Variants in ANXA8 observed in about 807,000 individuals in gnomAD.
The protein encoded by ANXA8 is VAC-beta.
Under a neutral mutation model 26.8 loss-of-function variants are expected in ANXA8, and 9 were observed. The ratio of observed to expected loss-of-function variants is 0.34; its 90% CI spans 0.20 to 0.59. The LOEUF (loss-of-function observed/expected upper bound fraction) is 0.59. Ranked by LOEUF, ANXA8 falls within the 20% of genes least tolerant of loss-of-function variation. The pLI is 0.84. For missense variants in ANXA8, 83 were observed against 238.5 expected (o/e 0.35, Z 4.29); for synonymous variants, 39 against 94.8 (o/e 0.41, Z 3.42).
the ANXA8 span, among the ~76,000 whole-genome samples, chr10:47,586,662 G>A: frequency 6.9e-6 from 1 of 145,958 alleles, no homozygotes; most frequent in Non-Finnish European, 1.5e-5. Flanking sequence ...TGCCACACAA[G>A]TGATGGAGGT....
the ANXA8 span, among the ~76,000 whole-genome samples, chr10:47,774,161 A>G: frequency 4.1e-5 from 6 of 147,240 alleles, no homozygotes; most frequent in South Asian, 1.4e-3. Context: ...ACAGTGCCCC[A>G]ATTTCTCCAA....
At chr10:47,672,822 G>A in the ANXA8 span, among the ~76,000 whole-genome samples, 1 of 151,802 alleles carries the variant, frequency 6.6e-6, no homozygotes, top group Non-Finnish European at 1.5e-5. Context: ...CTCTTCAGAT[G>A]TACAAAATTA....
At chr10:47,707,257 CAT>C in the ANXA8 span, among the ~76,000 whole-genome samples, 1 of 143,560 alleles carries the variant, frequency 7.0e-6, no homozygotes, top group African/African-American at 2.4e-5. Flanking sequence ...GGTTACAACT[CAT>C]GAGAGGATTC....
chr10:47,733,283 C>CTTTCTTTTT, the ANXA8 span, among the ~76,000 whole-genome samples: 3 of 80,524 alleles, frequency 3.7e-5, 1 homozygote, highest in African/African-American at 1.8e-4. Flanking sequence ...TTCTTTCTTT[C>CTTTCTTTTT]TTTCTTTCTT....
At chr10:47,493,486 C>T in the ANXA8 span, among the ~76,000 whole-genome samples, 18,595 of 133,324 alleles carry the variant, frequency 0.14, 1,489 homozygotes, top group East Asian at 0.39. Flanking sequence ...TCCCCCCACT[C>T]ACACAAGGGT....
the ANXA8 span, among the ~76,000 whole-genome samples, chr10:47,705,589 G>T: frequency 1.4e-5 from 2 of 144,564 alleles, no homozygotes; most frequent in Non-Finnish European, 3.0e-5. Context: ...ATCCCCTAGA[G>T]AGTTTCAGGT....
At position 47,468,638 on chromosome 10, in the gene ANXA8, G is replaced by A. The variant is rs1839184909; in HGVS notation, c.*209C>T. ...CTAAGGTTGGCATTGTGCTCACACT[G>A]GGAAATGACCTGGAGGAAGTTGGGA... On this transcript the variant is annotated 3_prime_UTR_variant, in exon 12 of 12. Coordinates refer to ENST00000585281, the MANE Select transcript of ANXA8 (RefSeq NM_001040084.3). 1 of 785,646 alleles carries A rather than the reference G, an allele frequency of 1.3e-6. No individual in the cohort carries two copies. The highest frequency in any genetic ancestry group is 2.0e-6 in the Non-Finnish European group (1 of 502,770). 48.7% of individuals were successfully genotyped at this position (785,646 alleles called of 1,614,324 possible). A position where few individuals can be genotyped will look rare whatever the true frequency, so the allele number is the denominator to read the frequency against.
At chr10:47,951,919 G>C in the ANXA8 span, among the ~76,000 whole-genome samples, 1 of 149,242 alleles carries the variant, frequency 6.7e-6, no homozygotes, top group South Asian at 2.1e-4. Context: ...CTATGACCAA[G>C]AGTGCTTATC....
the ANXA8 span, among the ~76,000 whole-genome samples, chr10:47,695,576 G>T: frequency 1.3e-5 from 2 of 151,596 alleles, no homozygotes; most frequent in East Asian, 1.9e-4. Context: ...GTAGATAAAA[G>T]GTTCAAAAGC....
chr10:47,680,653 T>C, the ANXA8 span, among the ~76,000 whole-genome samples: 2 of 151,884 alleles, frequency 1.3e-5, no homozygotes, highest in Non-Finnish European at 2.9e-5. Context: ...AAAAATCAAA[T>C]TGTACCCCAT....
chr10:47,572,742 A>G, the ANXA8 span, among the ~76,000 whole-genome samples: 2 of 143,928 alleles, frequency 1.4e-5, no homozygotes, highest in Non-Finnish European at 3.0e-5. Context: ...TAAAAAAAAA[A>G]GAAGAACGTA....
chr10:47,688,350 AG>A, the ANXA8 span, among the ~76,000 whole-genome samples: 3 of 149,186 alleles, frequency 2.0e-5, no homozygotes, highest in East Asian at 2.0e-4. Context: ...CCTGGTCTCA[AG>A]TGATCCTCCC....
At chr10:47,628,630 T>G in the ANXA8 span, among the ~76,000 whole-genome samples, 1 of 149,998 alleles carries the variant, frequency 6.7e-6, no homozygotes, top group Non-Finnish European at 1.5e-5. Context: ...CTCCCTTCTG[T>G]CAGTCTTTCC....
chr10:47,626,968 G>A, the ANXA8 span, among the ~76,000 whole-genome samples: 5 of 149,400 alleles, frequency 3.3e-5, no homozygotes, highest in South Asian at 2.1e-4. Context: ...CCATCTCCTC[G>A]TAGTGTACGT....
the ANXA8 span, among the ~76,000 whole-genome samples, chr10:47,957,882 C>A: frequency 6.7e-6 from 1 of 150,198 alleles, no homozygotes. Context: ...GTACTGGTAT[C>A]AAAAATGTAA....
upstream of ANXA8, among the ~76,000 whole-genome samples, chr10:47,487,944 C>A (rs1306911598): frequency 6.6e-6 from 1 of 150,948 alleles, no homozygotes; most frequent in African/African-American, 2.4e-5. Context: ...TGTCTTCCCC[C>A]TCAAAACTCA....
chr10:47,510,247 G>A, the ANXA8 span: 2 of 1,410,676 alleles, frequency 1.4e-6, no homozygotes, highest in South Asian at 1.2e-5. Flanking sequence ...GAGCTGTATT[G>A]TTGACTGAAA....
the ANXA8 span, among the ~76,000 whole-genome samples, chr10:47,694,779 G>T: frequency 6.6e-6 from 1 of 151,700 alleles, no homozygotes; most frequent in Non-Finnish European, 1.5e-5. Flanking sequence ...CAACACAGTA[G>T]ACAGTTTGCT....
chr10:47,733,175 TTCTTTCTTTCTTTCTTTC>T, the ANXA8 span, among the ~76,000 whole-genome samples: 2 of 93,270 alleles, frequency 2.1e-5, no homozygotes, highest in African/African-American at 6.3e-5. Flanking sequence ...CTTTCTTTCT[TTCTTTCTTTCTTTCTTTC>T]TTTCTTTCTT....
Sources: allele counts gnomAD v4.1 joint callset (sites outside exome capture counted in the v4.1 genomes callset), GRCh38; gene constraint gnomAD v4.1.1; transcripts MANE v1.5; gene names NCBI Gene and HGNC (gene_info 2026-07-23, HGNC 2026-07-21).